The following AP3D1 variants were observed in gnomAD, a reference collection of about 807,000 sequenced individuals.
The protein encoded by AP3D1 is AP-3 complex subunit delta-1.
In AP3D1, 51 loss-of-function variants were observed where a neutral mutation model predicts 147.6. The ratio of observed to expected loss-of-function variants is 0.35; its 90% CI spans 0.28 to 0.44. AP3D1 has a LOEUF of 0.44. Among genes scored for constraint, AP3D1 ranks in the 20% least tolerant of loss-of-function variants. The pLI is 1.00. For synonymous variants in AP3D1, 760 were observed against 663.0 expected (o/e 1.15, Z -2.25); for missense variants, 1,421 against 1,624.2 (o/e 0.87, Z 2.15).
chr19:2,136,903 G>C, intron 4 of AP3D1, 108 bp downstream of exon 4: 1 of 1,053,388 alleles, frequency 9.5e-7, no homozygotes, highest in Non-Finnish European at 1.4e-6. Flanking sequence ...CGCACTCAAG[G>C]GGGCCACAGG....
At chr19:2,114,685 A>G in intron 21 of AP3D1, 63 bp downstream of exon 21, 1 of 1,017,282 alleles carries the variant, frequency 9.8e-7, no homozygotes, top group Non-Finnish European at 1.4e-6. Context: ...GGAAGGGAGG[A>G]CGAGAGGAAG....
chr19:2,151,844 T>G (rs969888979), upstream of AP3D1, among the ~76,000 whole-genome samples: 6 of 152,216 alleles, frequency 3.9e-5, no homozygotes. Flanking sequence ...GTCCTGACCC[T>G]CCCACCAGCT....
intron 14 of AP3D1, among the ~76,000 whole-genome samples, chr19:2,120,573 G>T (rs2018581209): frequency 1.3e-5 from 2 of 152,160 alleles, no homozygotes; most frequent in Admixed American, 1.3e-4. Flanking sequence ...CCCACCCCAT[G>T]GATCCTCCCA....
chr19:2,113,516 C>G (rs1407333301), intron 22 of AP3D1, 103 bp from the exon 23 acceptor site: 2 of 662,782 alleles, frequency 3.0e-6, no homozygotes, highest in Non-Finnish European at 4.8e-6. Context: ...CTCGCTGCCC[C>G]CAGGGTCCTG....
chr19:2,145,570 G>C (rs903019563), intron 1 of AP3D1, among the ~76,000 whole-genome samples: 2 of 152,152 alleles, frequency 1.3e-5, no homozygotes, highest in Non-Finnish European at 2.9e-5. Context: ...AATCCAGCCT[G>C]ATGTCCACAG....
intron 11 of AP3D1, among the ~76,000 whole-genome samples, chr19:2,122,360 G>A (rs2018635754): frequency 6.6e-6 from 1 of 152,216 alleles, no homozygotes; most frequent in Non-Finnish European, 1.5e-5. Context: ...GGCCACCCCA[G>A]CCACAGGGCA....
intron 14 of AP3D1, among the ~76,000 whole-genome samples, chr19:2,119,253 TC>T (rs1178480351): frequency 6.6e-6 from 1 of 152,056 alleles, no homozygotes; most frequent in African/African-American, 2.4e-5. Flanking sequence ...TCCACTTTTT[TC>T]CCAATAAGAA....
In AP3D1 at chr19:2,102,558, C is replaced by G. The variant is rs148415061; in HGVS notation, c.3553-290G>C. Among the ~76,000 whole-genome samples, 1,486 of 152,028 alleles carry G rather than the reference C, an allele frequency of 9.8e-3. 28 individuals are homozygous for G. Among genetic ancestry groups the G allele is most frequent in the African/African-American group, 0.034 (1,405 of 41,454 alleles). Reference sequence around the variant, plus strand: ...CCTGGCTAACAGGGTGAAACCCCGTCTCTACTAAAAATATAAAAAATTAGC... The same window carrying G: ...CCTGGCTAACAGGGTGAAACCCCGTGTCTACTAAAAATATAAAAAATTAGC... On this transcript the variant is annotated intron_variant, in intron 31 of 31. Coordinates refer to ENST00000643116, the MANE Select transcript of AP3D1 (RefSeq NM_001261826.3).
intron 23 of AP3D1, 177 bp downstream of exon 23, chr19:2,113,159 C>A: frequency 1.6e-6 from 1 of 626,152 alleles, no homozygotes. Flanking sequence ...CTGGCCCCTG[C>A]TTGGCCCACT....
rs959078961 is a variant in AP3D1, at chr19:2,132,551, T to C, written c.382A>G (p.Thr128Ala). ...KDLSSPSQYD[T>A]GVALTGLSCF... is the part of the protein sequence containing the mutation. ...GACAGACCCGTCAGTGCAACACCTG[T>C]GTCGTACTGGCTGGGGCTGCTCAAG... is the stretch of plus-strand genomic sequence containing the variant. The change falls in exon 5 of 32, where the codon ACA becomes GCA. Residue 128 changes from threonine (T) to alanine (A), a missense_variant. This residue lies in a region of AP3D1 where 292 missense variants were observed against 412.0 expected (regional missense o/e 0.71). Coordinates refer to ENST00000643116, the MANE Select transcript of AP3D1 (RefSeq NM_001261826.3). The C allele has an allele frequency of 6.2e-7, 1 of 1,610,212 alleles. No individual in the cohort carries two copies. Among genetic ancestry groups the C allele is most frequent in the East Asian group, 2.2e-5 (1 of 44,738 alleles).
chr19:2,119,744 G>A (rs1401005226), intron 14 of AP3D1, among the ~76,000 whole-genome samples: 1 of 148,432 alleles, frequency 6.7e-6, no homozygotes, highest in Admixed American at 6.8e-5. Context: ...GACCAGCCTG[G>A]CCAACATGGT....
At chr19:2,122,136 C>T (rs888255800) in intron 11 of AP3D1, among the ~76,000 whole-genome samples, 3 of 152,180 alleles carry the variant, frequency 2.0e-5, no homozygotes, top group Non-Finnish European at 2.9e-5. Context: ...CCTACTACCA[C>T]GTTGTAGTAG....
chr19:2,138,655 T>G lies in AP3D1; in HGVS notation c.156A>C (p.Ile52=), dbSNP rs25672. The G allele has an allele frequency of 0.39, 621,647 of 1,613,390 alleles. 125,470 individuals are homozygous for G. The highest frequency in any genetic ancestry group is 0.42 in the Non-Finnish European group (499,338 of 1,179,726). Residue 52 remains isoleucine (I), a synonymous_variant, in exon 2 of 32, where the codon ATA becomes ATC. Transcript: ENST00000643116. ...EIKQELKQDN[I]AVKANAVCKL... ...TGCAGACCGCGTTCGCCTTCACCGC[T>G]ATGTTGTCCTGCTTCAGCTCCTGCT...
chr19:2,110,523 C>G (rs1022081994), intron 27 of AP3D1, among the ~76,000 whole-genome samples, 184 bp downstream of exon 27: 2 of 152,104 alleles, frequency 1.3e-5, no homozygotes, highest in Non-Finnish European at 2.9e-5. Flanking sequence ...CAGGTCCATC[C>G]GAGGCCATTG....
intron 3 of AP3D1, 111 bp from the exon 4 acceptor site, chr19:2,137,202 C>T: frequency 1.1e-6 from 1 of 935,938 alleles, no homozygotes; most frequent in Non-Finnish European, 1.7e-6. Flanking sequence ...AAGCAACACC[C>T]TGCAGCCTGG....
intron 14 of AP3D1, among the ~76,000 whole-genome samples, chr19:2,119,230 AAT>A (rs1336142481): frequency 6.6e-6 from 1 of 152,172 alleles, no homozygotes; most frequent in Non-Finnish European, 1.5e-5. Flanking sequence ...TTGGGACTTG[AAT>A]ATGTTTCTAG....
At chr19:2,128,161 C>T (rs2018813284) in intron 8 of AP3D1, among the ~76,000 whole-genome samples, 2 of 152,142 alleles carry the variant, frequency 1.3e-5, no homozygotes, top group African/African-American at 4.8e-5. Context: ...CCTGGCTCCG[C>T]CTCAGCACTT....
In AP3D1 at chr19:2,116,628, C is replaced by A; in HGVS notation, c.1978G>T (p.Ala660Ser). The stretch of plus-strand genomic sequence containing the variant: ...ACCCGAGCCAGCTCTTCCTCGTCCG[C>A]CTCCGACGGCCGGTGCTTGGGACGC... Reference protein sequence around the residue: ...QRRPKHRPSEADEEELARRRE... With the variant: ...QRRPKHRPSESDEEELARRRE... The change falls in exon 17 of 32, where the codon GCG (alanine) becomes TCG (serine). Residue 660 changes from alanine to serine, a missense_variant. Coordinates refer to ENST00000643116, the MANE Select transcript of AP3D1 (RefSeq NM_001261826.3). 6.3e-7 allele frequency: 1 copy of A among 1,599,962 alleles called. No homozygotes were observed. The highest frequency in any genetic ancestry group is 1.1e-5 in the South Asian group (1 of 88,950).
chr19:2,132,695 T>A (rs893502831), intron 4 of AP3D1, 117 bp from the exon 5 acceptor site: 15 of 787,554 alleles, frequency 1.9e-5, no homozygotes, highest in African/African-American at 5.1e-5. Flanking sequence ...ACTCGGCATA[T>A]CCTCTTGGGG....
Sources: gnomAD v4.1 joint callset for allele counts (sites outside exome capture counted in the v4.1 genomes callset) on GRCh38, gnomAD v4.1.1 for gene constraint, gnomAD v4.1.1 regional missense constraint, MANE v1.5 for transcripts, NCBI Gene and HGNC (gene_info 2026-07-23, HGNC 2026-07-21) for gene names.